NOX5: variants seen among roughly 807,000 people sequenced by gnomAD.
The protein encoded by NOX5 is NADPH oxidase, EF-hand calcium binding domain 5.
Under a neutral mutation model 85.7 loss-of-function variants are expected in NOX5, and 76 were observed. That is an observed-to-expected ratio of 0.89 (90% CI 0.74 to 1.07). The LOEUF (loss-of-function observed/expected upper bound fraction) is 1.07, where lower values mean the gene tolerates loss of function less well. NOX5 is among the 50% of genes least tolerant of loss of function. The pLI is 0.00. For synonymous variants in NOX5, 405 were observed against 401.4 expected (o/e 1.01, Z -0.11); for missense variants, 973 against 999.5 (o/e 0.97, Z 0.36).
Position 69,039,067 on chromosome 15 carries a change from G to A in NOX5, c.1504+78G>A, listed in dbSNP as rs796898268. On this transcript the variant is annotated intron_variant, in intron 9 of 15. Coordinates refer to ENST00000388866, the MANE Select transcript of NOX5 (RefSeq NM_024505.4). Reference sequence around the variant, plus strand: ...TGGGCCAAGTACAGGCTGGAAACTCGGAACACAGCACTGAACAAGGCCAGA... The same window carrying A: ...TGGGCCAAGTACAGGCTGGAAACTCAGAACACAGCACTGAACAAGGCCAGA... The A allele has an allele frequency of 2.7e-5, 41 of 1,502,936 alleles. No homozygotes were observed. In the African/African-American group the frequency reaches 3.2e-4, roughly 12 times the overall value. The allele number at this position is 1,502,936 out of a possible 1,614,324, so 93.1% of individuals were successfully genotyped here. A position where few individuals can be genotyped will look rare whatever the true frequency, so the allele number is the denominator to read the frequency against.
At chr15:69,035,695 T>G in intron 6 of NOX5, 63 bp from the exon 7 acceptor site, 1 of 1,586,226 alleles carries the variant, frequency 6.3e-7, no homozygotes, top group Non-Finnish European at 8.6e-7. Flanking sequence ...GGGATCCCAA[T>G]GGGAAGGTGG....
intron 1 of NOX5, among the ~76,000 whole-genome samples, chr15:69,015,247 C>T (rs1219398901): frequency 1.3e-5 from 2 of 152,174 alleles, no homozygotes; most frequent in East Asian, 3.8e-4. Flanking sequence ...TTCCTGCTAC[C>T]TACAGTGTTA....
chr15:69,051,183 G>GTCTCC (rs199539328), intron 14 of NOX5, among the ~76,000 whole-genome samples: 3 of 150,658 alleles, frequency 2.0e-5, no homozygotes, highest in Non-Finnish European at 2.9e-5. Flanking sequence ...GCCAGTTTCT[G>GTCTCC]TCTCCTCTCC....
chr15:69,046,793 C>A (rs1251933082), intron 10 of NOX5, 29 bp from the exon 11 acceptor site: 2 of 1,609,554 alleles, frequency 1.2e-6, no homozygotes, highest in South Asian at 1.1e-5. Flanking sequence ...CATTCCAAGA[C>A]CCATAACTCT....
intron 3 of NOX5, chr15:69,029,459 T>C (rs1344045051): frequency 6.6e-6 from 1 of 152,202 alleles, no homozygotes; most frequent in Non-Finnish European, 1.5e-5. Context: ...GCTATGAACA[T>C]TGGTGCACAG....
chr15:69,027,944 T>G (rs568101075), intron 2 of NOX5, among the ~76,000 whole-genome samples: 12 of 152,178 alleles, frequency 7.9e-5, no homozygotes, highest in African/African-American at 2.9e-4. Context: ...TGATTGTATG[T>G]AGGGGACAGA....
At chr15:69,047,045 C>T in intron 11 of NOX5, 179 bp downstream of exon 11, 1 of 645,946 alleles carries the variant, frequency 1.5e-6, no homozygotes, top group South Asian at 2.0e-5. Context: ...CTCTTTATAT[C>T]CAAGGGTGCT....
rs1046901224 is a variant in NOX5 at position 69,057,615 on chromosome 15, G to A, written c.*919G>A. On this transcript the variant is annotated 3_prime_UTR_variant, in exon 16 of 16. Transcript: ENST00000388866. ...CCTCTCTCTGTCGTGGAAAGGCCAAGTGCCTGGGGATGAAGCGGGCTAAGC... is the reference window on the plus strand; with the variant it reads ...CCTCTCTCTGTCGTGGAAAGGCCAAATGCCTGGGGATGAAGCGGGCTAAGC... The A allele has an allele frequency of 1.3e-5, 2 of 152,242 alleles. No individual in the cohort carries two copies. The highest frequency in any genetic ancestry group is 4.8e-5 in the African/African-American group (2 of 41,456). 9.4% of individuals were successfully genotyped at this position (152,242 alleles called of 1,614,324 possible).
intron 14 of NOX5, among the ~76,000 whole-genome samples, chr15:69,054,657 C>T (rs1031826734): frequency 6.6e-6 from 1 of 152,234 alleles, no homozygotes; most frequent in African/African-American, 2.4e-5. Context: ...TCTGCCTTTA[C>T]TCTCACCCCT....
rs1257573431 is a variant in NOX5, at chr15:69,046,886, G to T, written c.1692+20G>T. 6.2e-7 allele frequency: 1 copy of T among 1,613,014 alleles called. No homozygotes were observed. The highest frequency in any genetic ancestry group is 1.7e-5 in the Admixed American group (1 of 60,008). On this transcript the variant is annotated intron_variant, in intron 11 of 15. Transcript: ENST00000388866. The stretch of plus-strand genomic sequence containing the variant: ...ATCAAGGTGAGAGGCTGCAGGGGTG[G>T]ACGTGAGCAATAATGCCTGCCCCAA...
chr15:69,056,702 C>T lies in NOX5; in HGVS notation c.*6C>T, dbSNP rs2050816750. On this transcript the variant is annotated 3_prime_UTR_variant, in exon 16 of 16. Coordinates refer to ENST00000388866, the MANE Select transcript of NOX5 (RefSeq NM_024505.4). ...TTTTCCAAGAGAATTTCTAGCCTCA[C>T]CTCTCCAAGCTCTGCCCCAAGTCCA... The T allele has an allele frequency of 6.2e-7, 1 of 1,613,232 alleles. No individual in the cohort carries two copies. The highest frequency in any genetic ancestry group is 1.7e-5 in the Admixed American group (1 of 59,990).
chr15:69,035,976 G>T, intron 7 of NOX5, 40 bp downstream of exon 7: 1 of 1,608,102 alleles, frequency 6.2e-7, no homozygotes. Flanking sequence ...CCAAGGCCAG[G>T]GTCCTACTTT....
chr15:69,034,932 A>C (rs888225967), intron 5 of NOX5, among the ~76,000 whole-genome samples: 15 of 151,390 alleles, frequency 9.9e-5, no homozygotes, highest in Non-Finnish European at 2.1e-4. Flanking sequence ...CTAATTAAAC[A>C]ATTTTTTTTT....
In NOX5 at chr15:69,061,192, A is replaced by C. The variant is rs2050867971; in HGVS notation, c.*4496A>C. The stretch of plus-strand genomic sequence containing the variant: ...ATCTGCAGTGTTGTCTAAGATCCTG[A>C]ATATTGATTTGGTATCAAGTGAAAG... On this transcript the variant is annotated 3_prime_UTR_variant, in exon 16 of 16. Transcript: ENST00000388866. The C allele has an allele frequency of 1.3e-5, 2 of 152,256 alleles. No individual in the cohort carries two copies. Among genetic ancestry groups the C allele is most frequent in the Admixed American group, 6.5e-5 (1 of 15,294 alleles). 9.4% of individuals were successfully genotyped at this position (152,256 alleles called of 1,614,324 possible). A position where few individuals can be genotyped will look rare whatever the true frequency, so the allele number is the denominator to read the frequency against.
At chr15:69,033,701 CTTT>C (rs570603838) in intron 5 of NOX5, among the ~76,000 whole-genome samples, 2 of 119,286 alleles carry the variant, frequency 1.7e-5, no homozygotes, top group Admixed American at 8.6e-5. Context: ...TCTTTTTTTT[CTTT>C]TTTTTTTTTT....
rs1476265141 is a variant in NOX5 at position 69,059,081 on chromosome 15, G to C, written c.*2385G>C. 6.6e-6 allele frequency: 1 copy of C among 152,150 alleles called. No individual in the cohort carries two copies. The highest frequency in any genetic ancestry group is 1.5e-5 in the Non-Finnish European group (1 of 68,040). 9.4% of individuals were successfully genotyped at this position (152,150 alleles called of 1,614,324 possible). On this transcript the variant is annotated 3_prime_UTR_variant, in exon 16 of 16. Transcript: ENST00000388866. ...GCCCTCTCGTAACAGATTTCCACCA[G>C]GCTCCCACCCGCATATACAAATAGT...
chr15:69,035,457 T>C lies in NOX5; in HGVS notation c.959T>C (p.Val320Ala), dbSNP rs1250033203. The stretch of plus-strand genomic sequence containing the variant: ...CAGTTCCACCAGCTTATGGGCTACG[T>C]GGTAGTGGGGCTGTCCCTCGTGCAC... ...NIQFHQLMGY[V>A]VVGLSLVHTV... The change falls in exon 6 of 16, where the codon GTG (valine) becomes GCG (alanine). Residue 320 changes from valine to alanine, a missense_variant. Coordinates refer to ENST00000388866, the MANE Select transcript of NOX5 (RefSeq NM_024505.4). 6.2e-7 allele frequency: 1 copy of C among 1,613,912 alleles called. No individual in the cohort carries two copies. The highest frequency in any genetic ancestry group is 8.5e-7 in the Non-Finnish European group (1 of 1,179,994).
At chr15:69,034,933 A>AT (rs953237001) in intron 5 of NOX5, among the ~76,000 whole-genome samples, 48 of 149,238 alleles carry the variant, frequency 3.2e-4, no homozygotes, top group Admixed American at 1.1e-3. Flanking sequence ...TAATTAAACA[A>AT]TTTTTTTTTT....
chr15:69,040,147 A>G (rs2050575524), intron 9 of NOX5, among the ~76,000 whole-genome samples: 1 of 152,192 alleles, frequency 6.6e-6, no homozygotes, highest in Non-Finnish European at 1.5e-5. Context: ...GGGTTTCCCC[A>G]TGTGGGGCTG....
Sources: gnomAD v4.1 joint callset for allele counts (sites outside exome capture counted in the v4.1 genomes callset) on GRCh38, gnomAD v4.1.1 for gene constraint, MANE v1.5 for transcripts, NCBI Gene and HGNC (gene_info 2026-07-23, HGNC 2026-07-21) for gene names.